DNAJC12: variants seen among roughly 807,000 people sequenced by gnomAD.
DNAJC12 encodes DnaJ heat shock protein family (Hsp40) member C12, also known as dnaJ homolog subfamily C member 12.
In DNAJC12, 25 loss-of-function variants were observed where a neutral mutation model predicts 28.5. The ratio of observed to expected loss-of-function variants is 0.88; its 90% CI spans 0.64 to 1.22. DNAJC12 has a LOEUF of 1.22. DNAJC12 is among the 50% of genes most tolerant of loss of function. DNAJC12 has a pLI of 0.00. For missense variants in DNAJC12, 222 were observed against 231.7 expected, an observed-to-expected ratio of 0.96 and a Z score of 0.27; for synonymous variants, 77 against 80.6, an observed-to-expected ratio of 0.95 and a Z score of 0.24.
At chr10:67,834,001 A>T in intron 1 of DNAJC12, 1 of 456,006 alleles carries the variant, frequency 2.2e-6, no homozygotes, top group Non-Finnish European at 4.5e-6. Context: ...AAAATAAGAG[A>T]TGCTCATTGA....
intron 2 of DNAJC12, among the ~76,000 whole-genome samples, chr10:67,815,630 CTG>C (rs1841908577): frequency 6.6e-6 from 1 of 152,058 alleles, no homozygotes; most frequent in Non-Finnish European, 1.5e-5. Flanking sequence ...GCAAATCTTC[CTG>C]TTGCTGACGA....
intron 1 of DNAJC12, among the ~76,000 whole-genome samples, chr10:67,828,782 G>A (rs1037795885): frequency 1.8e-4 from 27 of 151,728 alleles, no homozygotes; most frequent in Non-Finnish European, 3.5e-4. Context: ...ATAATCAGAG[G>A]TAAGAAAAGA....
intron 2 of DNAJC12, among the ~76,000 whole-genome samples, chr10:67,816,543 CT>C (rs367769639): frequency 0.1 from 9,169 of 88,158 alleles, 529 homozygotes; most frequent in African/African-American, 0.25. Context: ...AGTTTACTTT[CT>C]TTTTTTTTTT....
At chr10:67,824,182 G>T (rs572992258) in intron 1 of DNAJC12, among the ~76,000 whole-genome samples, 1 of 149,572 alleles carries the variant, frequency 6.7e-6, no homozygotes, top group South Asian at 2.1e-4. Context: ...GTTGCAGTGA[G>T]CCAAGATCAC....
chr10:67,796,964 T>C lies in DNAJC12; in HGVS notation c.*152A>G, dbSNP rs958106616. 1.8e-4 allele frequency: 93 copies of C among 520,580 alleles called. 2 individuals are homozygous for C. The allele number at this position is 520,580 out of a possible 1,614,324, so 32.2% of individuals were successfully genotyped here. ...AATTTTTCTTATTTAAAAAGCATTATGAGAACTGATTCAAGGATGGAGGAA... is the reference window on the plus strand; with the variant it reads ...AATTTTTCTTATTTAAAAAGCATTACGAGAACTGATTCAAGGATGGAGGAA... On this transcript the variant is annotated 3_prime_UTR_variant, in exon 5 of 5. Transcript: ENST00000225171.
chr10:67,820,574 T>G (rs1841971699), intron 2 of DNAJC12, among the ~76,000 whole-genome samples: 1 of 152,230 alleles, frequency 6.6e-6, no homozygotes, highest in South Asian at 2.1e-4. Context: ...TCACACTTAT[T>G]ATTTGCTCAT....
intron 1 of DNAJC12, among the ~76,000 whole-genome samples, chr10:67,836,961 A>G (rs1842147636): frequency 6.7e-6 from 1 of 150,040 alleles, no homozygotes; most frequent in African/African-American, 2.4e-5. Flanking sequence ...TTAATAATAT[A>G]TAATTTAATA....
At chr10:67,812,836 A>C (rs112329225) in intron 2 of DNAJC12, among the ~76,000 whole-genome samples, 8,131 of 150,418 alleles carry the variant, frequency 0.054, 319 homozygotes, top group Non-Finnish European at 0.082. Context: ...TGGGCGACAG[A>C]GCGAGACTCC....
intron 4 of DNAJC12, among the ~76,000 whole-genome samples, chr10:67,797,430 G>C (rs563612802): frequency 6.6e-6 from 1 of 152,154 alleles, no homozygotes; most frequent in African/African-American, 2.4e-5. Flanking sequence ...GACCTCACAT[G>C]CTTAAATACT....
intron 4 of DNAJC12, among the ~76,000 whole-genome samples, chr10:67,801,463 A>G (rs1841743469): frequency 6.6e-6 from 1 of 152,188 alleles, no homozygotes; most frequent in South Asian, 2.1e-4. Flanking sequence ...CCTTTGGCAG[A>G]ATTTCATAAT....
At chr10:67,801,656 G>A (rs1357949122) in intron 4 of DNAJC12, among the ~76,000 whole-genome samples, 2 of 151,610 alleles carry the variant, frequency 1.3e-5, no homozygotes, top group Non-Finnish European at 2.9e-5. Context: ...CAGGTGTGGT[G>A]GCGGGTGCCT....
intron 4 of DNAJC12, among the ~76,000 whole-genome samples, chr10:67,800,012 C>T (rs1841724660): frequency 6.6e-6 from 1 of 152,008 alleles, no homozygotes; most frequent in Non-Finnish European, 1.5e-5. Flanking sequence ...CAATGGATCA[C>T]TTGACCTCAG....
At chr10:67,832,265 C>CAAAAA (rs200725436) in intron 1 of DNAJC12, among the ~76,000 whole-genome samples, 1 of 67,390 alleles carries the variant, frequency 1.5e-5, no homozygotes. Flanking sequence ...AACTCCATCT[C>CAAAAA]AAAAAAAAAA....
chr10:67,810,262 A>G (rs1401719440), intron 3 of DNAJC12, among the ~76,000 whole-genome samples: 4 of 152,124 alleles, frequency 2.6e-5, no homozygotes, highest in African/African-American at 4.8e-5. Context: ...CCATGATCCA[A>G]TCACCTCCCA....
chr10:67,815,518 A>G (rs2131800562), intron 2 of DNAJC12, among the ~76,000 whole-genome samples: 1 of 151,112 alleles, frequency 6.6e-6, no homozygotes, highest in South Asian at 2.1e-4. Context: ...CAAAAAAAAA[A>G]AAAAAAAAAG....
chr10:67,828,282 T>C (rs936692891), intron 1 of DNAJC12, among the ~76,000 whole-genome samples: 1 of 152,160 alleles, frequency 6.6e-6, no homozygotes, highest in African/African-American at 2.4e-5. Flanking sequence ...TGTGTGTGTA[T>C]ATATATGTGT....
chr10:67,804,349 G>A (rs1344442635), intron 4 of DNAJC12, among the ~76,000 whole-genome samples: 1 of 152,030 alleles, frequency 6.6e-6, no homozygotes, highest in Admixed American at 6.6e-5. Context: ...CTATAAGAAG[G>A]TACTATTTTT....
intron 4 of DNAJC12, among the ~76,000 whole-genome samples, chr10:67,800,452 A>C (rs1841730998): frequency 6.6e-6 from 1 of 152,134 alleles, no homozygotes; most frequent in Admixed American, 6.5e-5. Context: ...TTAGCTTCCC[A>C]CTTCCACTCA....
intron 2 of DNAJC12, among the ~76,000 whole-genome samples, chr10:67,812,565 C>T (rs999743960): frequency 2.6e-5 from 4 of 151,854 alleles, no homozygotes; most frequent in Admixed American, 6.6e-5. Context: ...ATATACAGGC[C>T]GGGTGCAGTG....
Sources: gnomAD v4.1 joint callset for allele counts (sites outside exome capture counted in the v4.1 genomes callset) on GRCh38, gnomAD v4.1.1 for gene constraint, MANE v1.5 for transcripts, NCBI Gene and HGNC (gene_info 2026-07-23, HGNC 2026-07-21) for gene names.